FNDC7: variants seen among roughly 807,000 people sequenced by gnomAD.
The protein encoded by FNDC7 is fibronectin type III domain-containing protein 7.
Under a neutral mutation model 74.2 loss-of-function variants are expected in FNDC7, and 66 were observed. That is an observed-to-expected ratio of 0.89 (90% CI 0.73 to 1.09). The LOEUF is 1.09. FNDC7 is among the 50% of genes least tolerant of loss of function. FNDC7 has a pLI of 0.00. For missense variants in FNDC7, 829 were observed against 893.4 expected (o/e 0.93, Z 0.92); for synonymous variants, 307 against 330.2 (o/e 0.93, Z 0.76).
chr1:108,728,188 G>A, intron 7 of FNDC7, 123 bp downstream of exon 7: 2 of 1,197,384 alleles, frequency 1.7e-6, no homozygotes, highest in South Asian at 2.9e-5. Context: ...TCTTTGTGGA[G>A]ACCAAGAGAG....
At chr1:108,714,661 G>A (rs1436637179) in intron 2 of FNDC7, among the ~76,000 whole-genome samples, 2 of 139,548 alleles carry the variant, frequency 1.4e-5, no homozygotes, top group Non-Finnish European at 3.0e-5. Context: ...CTGGAGTGCA[G>A]TGGTGCAATC....
At chr1:108,732,341 CAAAAAA>C (rs67731443) in intron 9 of FNDC7, among the ~76,000 whole-genome samples, 1 of 103,230 alleles carries the variant, frequency 9.7e-6, no homozygotes, top group Admixed American at 1.1e-4. Context: ...GACTCCGTCT[CAAAAAA>C]AAAAAAAAAA....
Position 108,727,789 on chromosome 1 carries a change from C to T in FNDC7, c.1112-19C>T, listed in dbSNP as rs1275820969. 3 of 1,613,096 alleles carry T rather than the reference C, an allele frequency of 1.9e-6. No individual in the cohort carries two copies. Among genetic ancestry groups the T allele is most frequent in the Non-Finnish European group, 8.5e-7 (1 of 1,179,450 alleles). ...TGCTCTTGATGGGACCGCCATTTTC[C>T]CTCTGCTCCTGCTTTCAGCTCCCTG... On this transcript the variant is annotated intron_variant, in intron 6 of 12. Coordinates refer to ENST00000370017, the MANE Select transcript of FNDC7 (RefSeq NM_001144937.3).
chr1:108,718,173 T>C, intron 3 of FNDC7, 142 bp downstream of exon 3: 1 of 1,176,676 alleles, frequency 8.5e-7, no homozygotes, highest in South Asian at 1.6e-5. Flanking sequence ...TACCAAATGA[T>C]GCTGTTTGAG....
Position 108,727,525 on chromosome 1 carries a change from C to T in FNDC7, c.1112-283C>T, listed in dbSNP as rs79532762. Among the ~76,000 whole-genome samples, 1,046 of 152,096 alleles carry T rather than the reference C, an allele frequency of 6.9e-3. 12 individuals are homozygous for T. The highest frequency in any genetic ancestry group is 0.024 in the African/African-American group (1,002 of 41,490). On this transcript the variant is annotated intron_variant, in intron 6 of 12. Transcript: ENST00000370017. ...ATCTTCTCTGCATAGAGAACAAGGGCGCACGTGGCGTGGGGGAATTGAGGA... is the reference window on the plus strand; with the variant it reads ...ATCTTCTCTGCATAGAGAACAAGGGTGCACGTGGCGTGGGGGAATTGAGGA...
At chr1:108,716,320 GGT>G (rs141850435) in intron 2 of FNDC7, among the ~76,000 whole-genome samples, 3,789 of 95,520 alleles carry the variant, frequency 0.04, 110 homozygotes, top group African/African-American at 0.093. Flanking sequence ...GCAGAAGAGA[GGT>G]GTGTGTGTGT....
In FNDC7 at chr1:108,727,843, GTGTCCA is replaced by G; in HGVS notation, c.1148_1153del (p.Val383_Ser385delinsGly). On this transcript the variant is annotated inframe_deletion, in exon 7 of 13. Coordinates refer to ENST00000370017, the MANE Select transcript of FNDC7 (RefSeq NM_001144937.3). ...TCCTAGTGACATTAACCCCGTGTTG[GTGTCCA>G]GTGACAGAGTTGAGATTGTCTGGTC... The G allele has an allele frequency of 2.5e-6, 4 of 1,614,146 alleles. No individual in the cohort carries two copies. Among genetic ancestry groups the G allele is most frequent in the Non-Finnish European group, 3.4e-6 (4 of 1,180,040 alleles).
At position 108,722,551 on chromosome 1, in the gene FNDC7, C is replaced by T; in HGVS notation, c.815C>T (p.Ala272Val). 3.7e-6 allele frequency: 6 copies of T among 1,614,102 alleles called. No individual in the cohort carries two copies. Among genetic ancestry groups the T allele is most frequent in the Admixed American group, 1.7e-5 (1 of 60,012 alleles). Residue 272 changes from alanine (A) to valine (V), a missense_variant, in exon 5 of 13, where the codon GCT (alanine) becomes GTT (valine). Ala to Val is a moderately conservative substitution (Grantham distance 64, BLOSUM62 0). Transcript: ENST00000370017. ...YLISVLASND[A>V]GSSKSSSAMT... is the part of the protein sequence containing the mutation. ...ATTTCAGTTTTAGCAAGTAATGATG[C>T]TGGATCTAGCAAATCATCTTCAGCA...
rs763765795 is a variant in FNDC7 at position 108,730,784 on chromosome 1, C to T, written c.1735C>T (p.His579Tyr). The T allele has an allele frequency of 1.9e-6, 3 of 1,614,102 alleles. No homozygotes were observed. The change falls in exon 9 of 13, where the codon CAC becomes TAC. Residue 579 changes from histidine to tyrosine, a missense_variant. Physicochemically the swap from His to Tyr is moderately conservative, Grantham distance 83. Coordinates refer to ENST00000370017, the MANE Select transcript of FNDC7 (RefSeq NM_001144937.3). ...AQTHVAVLES[H>Y]TGQSKCHTHQ... ...AACCCATGTTGCAGTTCTGGAGTCA[C>T]ACACTGGACAGTCTAAGTGTCACAC... is the stretch of plus-strand genomic sequence containing the variant.
At chr1:108,713,479 G>A in intron 1 of FNDC7, 32 bp from the exon 2 acceptor site, 1 of 1,545,882 alleles carries the variant, frequency 6.5e-7, no homozygotes, top group Non-Finnish European at 8.8e-7. Flanking sequence ...GTTTTTCTGT[G>A]TGGTTCTAAT....
chr1:108,730,420 A>C (rs1285543977), intron 8 of FNDC7, among the ~76,000 whole-genome samples: 1 of 80,950 alleles, frequency 1.2e-5, no homozygotes, highest in African/African-American at 8.8e-5. Context: ...CTTATTCTGA[A>C]AAAAAAAAAT....
chr1:108,732,823 G>A (rs1380280485), intron 9 of FNDC7, among the ~76,000 whole-genome samples: 1 of 151,634 alleles, frequency 6.6e-6, no homozygotes, highest in Non-Finnish European at 1.5e-5. Context: ...AGGCTGGAGT[G>A]AGTGCTGTGG....
intron 2 of FNDC7, among the ~76,000 whole-genome samples, chr1:108,716,320 GGTGTGTGTGTGTGTGTGTGTGTGTGT>G (rs141850435): frequency 1.0e-5 from 1 of 95,694 alleles, no homozygotes; most frequent in African/African-American, 3.8e-5. Flanking sequence ...GCAGAAGAGA[GGTGTGTGTGTGTGTGTGTGTGTGTGT>G]GTGTGTGTGT....
At chr1:108,728,221 C>T (rs1255798689) in intron 7 of FNDC7, among the ~76,000 whole-genome samples, 156 bp downstream of exon 7, 1 of 151,974 alleles carries the variant, frequency 6.6e-6, no homozygotes, top group African/African-American at 2.4e-5. Flanking sequence ...GAAGGAGAGG[C>T]AGAGGAGAAG....
intron 5 of FNDC7, among the ~76,000 whole-genome samples, chr1:108,725,290 A>C (rs1661185104): frequency 6.6e-6 from 1 of 152,178 alleles, no homozygotes; most frequent in South Asian, 2.1e-4. Flanking sequence ...GAAGAATTAG[A>C]GAATATATTA....
At chr1:108,720,291 T>A (rs538865476) in intron 4 of FNDC7, among the ~76,000 whole-genome samples, 16 of 152,246 alleles carry the variant, frequency 1.1e-4, no homozygotes, top group Non-Finnish European at 2.2e-4. Context: ...TAAAGCATGA[T>A]CCCTCCATTC....
At chr1:108,726,574 A>G (rs1661224089) in intron 6 of FNDC7, among the ~76,000 whole-genome samples, 1 of 151,702 alleles carries the variant, frequency 6.6e-6, no homozygotes, top group Non-Finnish European at 1.5e-5. Context: ...CATGATGCAC[A>G]TATTTTTATT....
At chr1:108,716,350 T>TGTGG (rs1660976298) in intron 2 of FNDC7, among the ~76,000 whole-genome samples, 1 of 150,036 alleles carries the variant, frequency 6.7e-6, no homozygotes, top group Non-Finnish European at 1.5e-5. Flanking sequence ...TGTGTGTGTG[T>TGTGG]GTGTGTGTGT....
chr1:108,736,325 G>A (rs1190871543), intron 10 of FNDC7, among the ~76,000 whole-genome samples: 1 of 151,810 alleles, frequency 6.6e-6, no homozygotes, highest in Non-Finnish European at 1.5e-5. Flanking sequence ...TTCCTTGTCT[G>A]TGAAGCCTTC....
Sources: allele counts gnomAD v4.1 joint callset (sites outside exome capture counted in the v4.1 genomes callset), GRCh38; gene constraint gnomAD v4.1.1; transcripts MANE v1.5; gene names NCBI Gene and HGNC (gene_info 2026-07-23, HGNC 2026-07-21).